ATP8A2: variants seen among roughly 807,000 people sequenced by gnomAD.
ATP8A2 encodes the protein phospholipid-transporting ATPase IB.
A neutral mutation model predicts 165.6 loss-of-function variants in ATP8A2; 100 were observed. The observed-to-expected ratio is 0.60, with a 90% CI of 0.51 to 0.71. The LOEUF (loss-of-function observed/expected upper bound fraction) is 0.71. Ranked by LOEUF, ATP8A2 falls within the 30% of genes least tolerant of loss-of-function variation. The pLI is 0.00. For missense variants in ATP8A2, 1,227 were observed against 1,479.5 expected (o/e 0.83, Z 2.80); for synonymous variants, 543 against 548.8 (o/e 0.99, Z 0.15).
chr13:25,955,497 C>A (rs1284908931), intron 33 of ATP8A2, among the ~76,000 whole-genome samples: 1 of 152,162 alleles, frequency 6.6e-6, no homozygotes, highest in Non-Finnish European at 1.5e-5. Context: ...ACTATAAACA[C>A]CTCTATGCAA....
chr13:25,494,272 A>C (rs745412077), intron 2 of ATP8A2, among the ~76,000 whole-genome samples: 3 of 152,180 alleles, frequency 2.0e-5, no homozygotes, highest in Non-Finnish European at 4.4e-5. Flanking sequence ...TGATTAAAAA[A>C]ATTACAAGGA....
chr13:25,441,602 T>G (rs906610755), intron 1 of ATP8A2, among the ~76,000 whole-genome samples: 1 of 152,208 alleles, frequency 6.6e-6, no homozygotes, highest in African/African-American at 2.4e-5. Context: ...AAATTATGAT[T>G]CTTTTAGATA....
intron 24 of ATP8A2, among the ~76,000 whole-genome samples, chr13:25,697,837 A>G (rs970837024): frequency 2.0e-5 from 3 of 152,216 alleles, no homozygotes; most frequent in Admixed American, 1.3e-4. Flanking sequence ...TCTGACCACA[A>G]TGCAGGGCTC....
intron 12 of ATP8A2, among the ~76,000 whole-genome samples, chr13:25,554,529 A>G (rs3132369): frequency 0.046 from 6,415 of 140,208 alleles, 154 homozygotes; most frequent in Non-Finnish European, 0.053. Flanking sequence ...GTGTGTGTGT[A>G]TGTGTGTGTG....
At chr13:25,625,491 C>G (rs1651707561) in intron 24 of ATP8A2, among the ~76,000 whole-genome samples, 2 of 152,292 alleles carry the variant, frequency 1.3e-5, no homozygotes, top group African/African-American at 4.8e-5. Context: ...CTCAGCAATT[C>G]AAAGATTATT....
intron 2 of ATP8A2, among the ~76,000 whole-genome samples, chr13:25,488,187 A>G (rs954239631): frequency 4.6e-5 from 7 of 152,140 alleles, no homozygotes; most frequent in African/African-American, 1.4e-4. Context: ...TACACATAAC[A>G]TGAAATTTAT....
intron 10 of ATP8A2, among the ~76,000 whole-genome samples, chr13:25,544,022 T>C (rs1373769376): frequency 1.3e-5 from 2 of 152,236 alleles, no homozygotes; most frequent in African/African-American, 4.8e-5. Flanking sequence ...TTTTTGCCAA[T>C]GGTGGCTATT....
At chr13:25,591,603 T>TTTTTTA (rs2040080816) in intron 24 of ATP8A2, among the ~76,000 whole-genome samples, 1 of 144,372 alleles carries the variant, frequency 6.9e-6, no homozygotes, top group African/African-American at 2.7e-5. Context: ...TTTTTTTTTT[T>TTTTTTA]GAGACGAAGT....
chr13:26,015,689 A>G (rs957653764), intron 36 of ATP8A2, among the ~76,000 whole-genome samples: 10 of 151,796 alleles, frequency 6.6e-5, no homozygotes, highest in Admixed American at 5.2e-4. Context: ...ACCTCCTTTC[A>G]CCTACACGAT....
At chr13:25,635,690 A>G (rs892456821) in intron 24 of ATP8A2, among the ~76,000 whole-genome samples, 3 of 152,208 alleles carry the variant, frequency 2.0e-5, no homozygotes, top group Non-Finnish European at 4.4e-5. Flanking sequence ...AGGAGGCCCT[A>G]TAGGCCATGC....
chr13:25,771,832 C>T (rs2044626435), intron 26 of ATP8A2, among the ~76,000 whole-genome samples: 1 of 152,192 alleles, frequency 6.6e-6, no homozygotes, highest in Non-Finnish European at 1.5e-5. Context: ...CCTTAGTCAC[C>T]ATGCCAGAAA....
At chr13:25,754,328 C>T (rs1037015591) in intron 25 of ATP8A2, among the ~76,000 whole-genome samples, 1 of 152,120 alleles carries the variant, frequency 6.6e-6, no homozygotes, top group African/African-American at 2.4e-5. Context: ...CCAGACTCAG[C>T]ATTTGTCGTT....
intron 2 of ATP8A2, among the ~76,000 whole-genome samples, chr13:25,491,351 C>G (rs1043841017): frequency 2.0e-5 from 3 of 151,850 alleles, no homozygotes; most frequent in Non-Finnish European, 2.9e-5. Flanking sequence ...CTCCAGGAGC[C>G]CCATGGTGCT....
chr13:25,827,212 C>T (rs941014111), intron 27 of ATP8A2, among the ~76,000 whole-genome samples: 1 of 152,128 alleles, frequency 6.6e-6, no homozygotes, highest in Non-Finnish European at 1.5e-5. Flanking sequence ...CAGGTTCAAG[C>T]GATTCTCCTG....
chr13:25,988,404 T>A (rs1956311681), intron 35 of ATP8A2, among the ~76,000 whole-genome samples: 1 of 152,232 alleles, frequency 6.6e-6, no homozygotes, highest in African/African-American at 2.4e-5. Context: ...ACCATAATGA[T>A]GACATGTGGG....
chr13:25,482,647 AT>A (rs1450530587), intron 2 of ATP8A2, among the ~76,000 whole-genome samples: 1 of 152,222 alleles, frequency 6.6e-6, no homozygotes, highest in Non-Finnish European at 1.5e-5. Context: ...TGTAGCTCCC[AT>A]AATTCCCATA....
chr13:25,534,410 A>G (rs573083266), intron 6 of ATP8A2, among the ~76,000 whole-genome samples: 1 of 152,162 alleles, frequency 6.6e-6, no homozygotes, highest in East Asian at 1.9e-4. Context: ...TTGCCCCTCT[A>G]TTTCTCTAGG....
chr13:25,775,089 C>T, intron 27 of ATP8A2, 130 bp downstream of exon 27: 1 of 591,618 alleles, frequency 1.7e-6, no homozygotes, highest in Non-Finnish European at 2.9e-6. Context: ...CTTTCTACAG[C>T]CTGGGTCACA....
chr13:25,994,511 G>T (rs2147345), intron 35 of ATP8A2, among the ~76,000 whole-genome samples: 36,972 of 152,014 alleles, frequency 0.24, 4,788 homozygotes, highest in Middle Eastern at 0.32. Context: ...AGCTGCAGGT[G>T]TTTTTGTAGA....
Sources: allele counts gnomAD v4.1 joint callset (sites outside exome capture counted in the v4.1 genomes callset), GRCh38; gene constraint gnomAD v4.1.1; transcripts MANE v1.5; gene names NCBI Gene and HGNC (gene_info 2026-07-23, HGNC 2026-07-21).